Variants in CRIM1 observed in about 807,000 individuals in gnomAD.
The protein encoded by CRIM1 is cysteine-rich motor neuron 1 protein.
CRIM1 carries 32 observed loss-of-function variants against 116.4 expected under a neutral mutation model. The ratio of observed to expected loss-of-function variants is 0.27; its 90% CI spans 0.21 to 0.37. The LOEUF is 0.37. CRIM1 is among the 10% of genes least tolerant of loss of function. CRIM1 has a pLI of 1.00. For missense variants in CRIM1, 1,331 were observed against 1,354.8 expected (o/e 0.98, Z 0.28); for synonymous variants, 590 against 509.2 (o/e 1.16, Z -2.13).
chr2:36,484,768 C>T (rs1165078818), intron 7 of CRIM1, among the ~76,000 whole-genome samples: 1 of 152,164 alleles, frequency 6.6e-6, no homozygotes, highest in Non-Finnish European at 1.5e-5. Context: ...AAGCCAACAC[C>T]AGAGTATCAC....
At chr2:36,438,599 G>T (rs1212143449) in intron 2 of CRIM1, among the ~76,000 whole-genome samples, 1 of 152,162 alleles carries the variant, frequency 6.6e-6, no homozygotes, top group African/African-American at 2.4e-5. Flanking sequence ...TGAGACTCCT[G>T]TTTGACCCAA....
chr2:36,406,537 T>A (rs1672809227), intron 2 of CRIM1, among the ~76,000 whole-genome samples: 1 of 151,976 alleles, frequency 6.6e-6, no homozygotes, highest in South Asian at 2.1e-4. Context: ...TTTGCTCATG[T>A]CAGGAAAAAC....
chr2:36,439,585 G>C (rs1284995645), intron 2 of CRIM1, among the ~76,000 whole-genome samples: 1 of 151,952 alleles, frequency 6.6e-6, no homozygotes, highest in Non-Finnish European at 1.5e-5. Flanking sequence ...ACTCTTCCTG[G>C]GACACACAAG....
intron 12 of CRIM1, among the ~76,000 whole-genome samples, chr2:36,519,982 G>A (rs1264979849): frequency 6.6e-6 from 1 of 152,126 alleles, no homozygotes; most frequent in Non-Finnish European, 1.5e-5. Flanking sequence ...AAATAAAGGA[G>A]TAAACGTTTG....
chr2:36,484,283 C>T (rs776806232), intron 7 of CRIM1, among the ~76,000 whole-genome samples: 7 of 152,038 alleles, frequency 4.6e-5, no homozygotes, highest in African/African-American at 7.2e-5. Context: ...GTTACTTACA[C>T]GGGCAAGGAT....
At chr2:36,451,410 T>C (rs1465168735) in intron 4 of CRIM1, among the ~76,000 whole-genome samples, 3 of 152,166 alleles carry the variant, frequency 2.0e-5, no homozygotes, top group Non-Finnish European at 4.4e-5. Flanking sequence ...ATATGCCAGC[T>C]TTAAATCCAA....
intron 1 of CRIM1, among the ~76,000 whole-genome samples, chr2:36,394,347 G>A (rs1671848403): frequency 6.6e-6 from 1 of 152,100 alleles, no homozygotes; most frequent in Non-Finnish European, 1.5e-5. Flanking sequence ...TGGCAAATCT[G>A]ACTGAACTGT....
chr2:36,441,334 C>G lies in CRIM1; in HGVS notation c.582C>G (p.Ile194Met). 2 of 1,614,194 alleles carry G rather than the reference C, an allele frequency of 1.2e-6. No homozygotes were observed. Among genetic ancestry groups the G allele is most frequent in the Non-Finnish European group, 1.7e-6 (2 of 1,180,034 alleles). Residue 194 changes from isoleucine (I) to methionine (M), a missense_variant, in exon 3 of 17, where the codon ATC becomes ATG. Physicochemically the swap from Ile to Met is conservative, Grantham distance 10. This residue lies in a region of CRIM1 where 690 missense variants were observed against 676.0 expected (regional missense o/e 1.02). Coordinates refer to ENST00000280527, the MANE Select transcript of CRIM1 (RefSeq NM_016441.3). ...SPRCPEDSVL[I>M]EGYAPPGECC... is the part of the protein sequence containing the mutation. ...GTTGTCCTGAAGATTCTGTTCTGAT[C>G]GAGGGTTATGCTCCTCCTGGGGAGT...
At chr2:36,379,740 C>G (rs969215203) in intron 1 of CRIM1, among the ~76,000 whole-genome samples, 2 of 97,476 alleles carry the variant, frequency 2.1e-5, no homozygotes, top group Admixed American at 2.1e-4. Context: ...CTTTCTTTCT[C>G]TCTTTTTTTT....
chr2:36,358,224 T>C (rs1156751984), intron 1 of CRIM1, among the ~76,000 whole-genome samples: 2 of 152,168 alleles, frequency 1.3e-5, no homozygotes, highest in African/African-American at 4.8e-5. Flanking sequence ...TCAAGAAAAA[T>C]GGCCATGAGA....
intron 8 of CRIM1, among the ~76,000 whole-genome samples, chr2:36,506,180 C>T (rs1271138107): frequency 1.2e-5 from 1 of 84,370 alleles, no homozygotes. Context: ...CTCTCTCTCT[C>T]TCACACACAC....
intron 2 of CRIM1, among the ~76,000 whole-genome samples, chr2:36,423,410 C>T (rs370591922): frequency 1.1e-4 from 16 of 152,338 alleles, no homozygotes; most frequent in East Asian, 9.6e-4. Context: ...CTCAGCTACT[C>T]AAGTACCGTA....
chr2:36,401,085 A>G lies in CRIM1; in HGVS notation c.505+4298A>G, dbSNP rs575343080. On this transcript the variant is annotated intron_variant, in intron 2 of 16. Transcript: ENST00000280527. ...CTGAAAATGAATTCGAAATGTTGCT[A>G]TAACATTTTTTAAAACGTGTGGAAG... 1.8e-4 allele frequency among the ~76,000 whole-genome samples: 27 copies of G among 152,266 alleles called. 1 individual carries two copies. Among genetic ancestry groups the G allele is most frequent in the Admixed American group, 1.6e-3 (24 of 15,280 alleles).
Position 36,537,269 on chromosome 2 carries a change from G to A in CRIM1, c.2429-83G>A, listed in dbSNP as rs1411894827. 1.1e-5 allele frequency: 14 copies of A among 1,275,426 alleles called. No homozygotes were observed. In the Admixed American group the frequency reaches 1.8e-4, roughly 16 times the overall value. 79.0% of individuals were successfully genotyped at this position (1,275,426 alleles called of 1,614,324 possible). A position where few individuals can be genotyped will look rare whatever the true frequency, so the allele number is the denominator to read the frequency against. The stretch of plus-strand genomic sequence containing the variant: ...CTAAAGCATACTGTGATTATACAAA[G>A]CTATCCCTTGATCTCTCACGTCTAA... On this transcript the variant is annotated intron_variant, in intron 13 of 16. Transcript: ENST00000280527.
At chr2:36,384,975 T>A (rs1199902560) in intron 1 of CRIM1, among the ~76,000 whole-genome samples, 2 of 152,168 alleles carry the variant, frequency 1.3e-5, no homozygotes, top group Non-Finnish European at 2.9e-5. Context: ...GCCGTACATA[T>A]GAAGCACTGT....
Position 36,454,377 on chromosome 2 carries a change from A to AAC in CRIM1, c.870-10143_870-10142dup, listed in dbSNP as rs369762729. Among the ~76,000 whole-genome samples, 32 of 151,570 alleles carry AAC rather than the reference A, an allele frequency of 2.1e-4. No homozygotes were observed. The South Asian group carries it at 4.2e-3, about 20-fold the overall frequency. On this transcript the variant is annotated intron_variant, in intron 4 of 16. Coordinates refer to ENST00000280527, the MANE Select transcript of CRIM1 (RefSeq NM_016441.3). ...ACACCCCTCACCACCACCACACACA[A>AAC]ACACACACACACACATACAGCATCA... is the stretch of plus-strand genomic sequence containing the variant.
intron 2 of CRIM1, among the ~76,000 whole-genome samples, chr2:36,428,073 A>G (rs1270077281): frequency 6.6e-6 from 1 of 152,248 alleles, no homozygotes; most frequent in Non-Finnish European, 1.5e-5. Flanking sequence ...TTTTTCAGCT[A>G]GATTCTAAGC....
At chr2:36,435,899 C>T (rs1297794233) in intron 2 of CRIM1, among the ~76,000 whole-genome samples, 1 of 142,024 alleles carries the variant, frequency 7.0e-6, no homozygotes, top group African/African-American at 2.6e-5. Flanking sequence ...GATATTGTCA[C>T]TTTGGTCTTT....
intron 1 of CRIM1, among the ~76,000 whole-genome samples, chr2:36,369,697 A>G (rs1193860965): frequency 6.6e-6 from 1 of 152,216 alleles, no homozygotes; most frequent in Non-Finnish European, 1.5e-5. Context: ...AAAGTGATAA[A>G]AGTTTATACA....
Sources: allele counts gnomAD v4.1 joint callset (sites outside exome capture counted in the v4.1 genomes callset), GRCh38; gene constraint gnomAD v4.1.1; regional missense constraint gnomAD v4.1.1; transcripts MANE v1.5; gene names NCBI Gene and HGNC (gene_info 2026-07-23, HGNC 2026-07-21).